The following ITPRIP variants were observed in gnomAD, a reference collection of about 807,000 sequenced individuals.
ITPRIP encodes the protein inositol 1,4,5-trisphosphate receptor interacting protein, also known as inositol 1,4,5-trisphosphate receptor-interacting protein.
A neutral mutation model predicts 35.8 loss-of-function variants in ITPRIP; 32 were observed. The observed-to-expected ratio is 0.89, with a 90% CI of 0.68 to 1.20. The LOEUF (loss-of-function observed/expected upper bound fraction) is 1.20, where lower values mean the gene tolerates loss of function less well. Ranked by LOEUF, ITPRIP falls within the 50% of genes most tolerant of loss-of-function variation. The pLI is 0.00. For missense variants in ITPRIP, 653 were observed against 735.6 expected, an observed-to-expected ratio of 0.89 and a Z score of 1.30; for synonymous variants, 358 against 324.0, an observed-to-expected ratio of 1.11 and a Z score of -1.13.
intron 1 of ITPRIP, among the ~76,000 whole-genome samples, chr10:104,329,861 C>T (rs761104286): frequency 3.9e-5 from 6 of 152,206 alleles, no homozygotes; most frequent in Non-Finnish European, 7.3e-5. Flanking sequence ...ACTGGTGCTG[C>T]GGTCATGTCT....
chr10:104,325,478 G>A (rs940152541), intron 1 of ITPRIP, among the ~76,000 whole-genome samples: 5 of 152,178 alleles, frequency 3.3e-5, no homozygotes, highest in Non-Finnish European at 4.4e-5. Context: ...AGCCACATTC[G>A]GAATAATCCT....
chr10:104,328,312 CACCCACAAGGGT>C lies in ITPRIP; in HGVS notation c.-14+9922_-14+9933del. ...TTCCCCTAGCCCTGTGGCCGCATCT[CACCCACAAGGGT>C]GCTGGTTTGGAGAGAGCATGAATAC... is the stretch of plus-strand genomic sequence containing the variant. On this transcript the variant is annotated intron_variant, in intron 1 of 1. Coordinates refer to ENST00000337478, the MANE Select transcript of ITPRIP (RefSeq NM_001272013.2). The surrounding 1 kb of genome is among the most constrained non-coding windows in gnomAD (Gnocchi z 4.1). The C allele has an allele frequency of 1.0e-6, 1 of 985,200 alleles. No homozygotes were observed. The highest frequency in any genetic ancestry group is 1.2e-6 in the Non-Finnish European group (1 of 829,722). The allele number at this position is 985,200 out of a possible 1,614,324, so 61.0% of individuals were successfully genotyped here. A position where few individuals can be genotyped will look rare whatever the true frequency, so the allele number is the denominator to read the frequency against.
rs2013514286 is a variant in ITPRIP at position 104,312,549 on chromosome 10, CA to C, written c.*1858del. 11 of 879,832 alleles carry C rather than the reference CA, an allele frequency of 1.3e-5. No individual in the cohort carries two copies. The highest frequency in any genetic ancestry group is 1.5e-5 in the Non-Finnish European group (11 of 733,274). 54.5% of individuals were successfully genotyped at this position (879,832 alleles called of 1,614,324 possible). On this transcript the variant is annotated 3_prime_UTR_variant, in exon 2 of 2. Transcript: ENST00000337478. Reference sequence around the variant, plus strand: ...GGTAGCTCCAGGCTGCTGTTAGGGACACACTTGAGCTGGTTCATTCCCTGGA... The same window carrying C: ...GGTAGCTCCAGGCTGCTGTTAGGGACCACTTGAGCTGGTTCATTCCCTGGA...
chr10:104,311,582 G>A lies in ITPRIP; in HGVS notation c.*2826C>T, dbSNP rs958777342. 1 of 152,244 alleles carries A rather than the reference G, an allele frequency of 6.6e-6. No individual in the cohort carries two copies. The highest frequency in any genetic ancestry group is 2.4e-5 in the African/African-American group (1 of 41,460). 9.4% of individuals were successfully genotyped at this position (152,244 alleles called of 1,614,324 possible). ...CAGCCAGGCATGCAGAGGGGCTAGA[G>A]CTTTTGAGGATATAAGGCCCTTCCC... is the stretch of plus-strand genomic sequence containing the variant. On this transcript the variant is annotated 3_prime_UTR_variant, in exon 2 of 2. Coordinates refer to ENST00000337478, the MANE Select transcript of ITPRIP (RefSeq NM_001272013.2).
In ITPRIP at chr10:104,315,205, T is replaced by A; in HGVS notation, c.847A>T (p.Met283Leu). 1 of 1,614,076 alleles carries A rather than the reference T, an allele frequency of 6.2e-7. No homozygotes were observed. Among genetic ancestry groups the A allele is most frequent in the African/African-American group, 1.3e-5 (1 of 75,054 alleles). Residue 283 changes from methionine to leucine, a missense_variant, in exon 2 of 2, where the codon ATG becomes TTG. Coordinates refer to ENST00000337478, the MANE Select transcript of ITPRIP (RefSeq NM_001272013.2). This position sits in a 1 kb window ranked among gnomAD's most constrained non-coding sequence, Gnocchi z 5.7. ...TCTGTGGCACACAGCAGGTTCTCCA[T>A]GTCGCCGCAGGGAGGCGCCATGCTG... ...RNSMAPPCGD[M>L]ENLLCATDSL... is the part of the protein sequence containing the mutation.
At chr10:104,320,820 C>T (rs1564863826) in intron 1 of ITPRIP, among the ~76,000 whole-genome samples, 1 of 152,182 alleles carries the variant, frequency 6.6e-6, no homozygotes, top group Non-Finnish European at 1.5e-5. Context: ...GTGTGAGCAC[C>T]TGGCCTGCCT....
intron 1 of ITPRIP, among the ~76,000 whole-genome samples, chr10:104,334,629 C>G (rs909509240): frequency 6.6e-6 from 1 of 152,120 alleles, no homozygotes; most frequent in Non-Finnish European, 1.5e-5. Context: ...GAAATACTGC[C>G]CTTGAGGCAC....
chr10:104,313,737 C>T lies in ITPRIP; in HGVS notation c.*671G>A, dbSNP rs1322372576. ...GGGTGCAGCTGAGTGAGAAGTGTAG[C>T]TGAAAAAGTGGCTAATTGTGTTTCT... On this transcript the variant is annotated 3_prime_UTR_variant, in exon 2 of 2. Coordinates refer to ENST00000337478, the MANE Select transcript of ITPRIP (RefSeq NM_001272013.2). The T allele has an allele frequency of 2.5e-5, 25 of 985,506 alleles. No individual in the cohort carries two copies. Among genetic ancestry groups the T allele is most frequent in the Non-Finnish European group, 2.8e-5 (23 of 830,006 alleles). The allele number at this position is 985,506 out of a possible 1,614,324, so 61.0% of individuals were successfully genotyped here. A position where few individuals can be genotyped will look rare whatever the true frequency, so the allele number is the denominator to read the frequency against.
intron 1 of ITPRIP, among the ~76,000 whole-genome samples, chr10:104,332,536 C>T (rs577113600): frequency 6.6e-6 from 1 of 152,180 alleles, no homozygotes; most frequent in Non-Finnish European, 1.5e-5. Flanking sequence ...GGAGTCCTCC[C>T]TTTCCTGCCT....
Position 104,328,378 on chromosome 10 carries a change from C to T in ITPRIP, c.-14+9868G>A, listed in dbSNP as rs2014076478. The T allele has an allele frequency of 1.4e-6, 1 of 727,648 alleles. No individual in the cohort carries two copies. The highest frequency in any genetic ancestry group is 1.7e-6 in the Non-Finnish European group (1 of 594,892). The allele number at this position is 727,648 out of a possible 1,614,324, so 45.1% of individuals were successfully genotyped here. ...CCTTGGGGCAGGACATGCCAGAGTT[C>T]CCAAGAGTCGTCCCCTTTCTCTCTC... On this transcript the variant is annotated intron_variant, in intron 1 of 1. Transcript: ENST00000337478. The surrounding 1 kb of genome is among the most constrained non-coding windows in gnomAD (Gnocchi z 4.1).
Position 104,314,982 on chromosome 10 carries a change from G to A in ITPRIP, c.1070C>T (p.Ser357Leu), listed in dbSNP as rs768457518. ...NLIPVIQCDD[S>L]DLYFVSHLPR... ...AAGGTGGGAGACAAAGTACAGGTCC[G>A]AGTCATCACACTGGATCACAGGAAT... The change falls in exon 2 of 2, where the codon TCG becomes TTG. Residue 357 changes from serine to leucine, a missense_variant. Coordinates refer to ENST00000337478, the MANE Select transcript of ITPRIP (RefSeq NM_001272013.2). 1.9e-5 allele frequency: 31 copies of A among 1,613,838 alleles called. No individual in the cohort carries two copies. The highest frequency in any genetic ancestry group is 1.6e-4 in the South Asian group (15 of 91,082).
chr10:104,316,140 A>G, intron 1 of ITPRIP, 76 bp from the exon 2 acceptor site: 1 of 1,278,180 alleles, frequency 7.8e-7, no homozygotes, highest in Non-Finnish European at 1.1e-6. Context: ...CACCAACCTC[A>G]GCCCCTCAGG....
At chr10:104,327,692 T>C (rs186415176) in intron 1 of ITPRIP, among the ~76,000 whole-genome samples, 2 of 152,304 alleles carry the variant, frequency 1.3e-5, no homozygotes, top group African/African-American at 4.8e-5. Flanking sequence ...GGTGGCTCTG[T>C]AGATGCACCG....
intron 1 of ITPRIP, among the ~76,000 whole-genome samples, chr10:104,337,358 G>T (rs2014258045): frequency 6.6e-6 from 1 of 152,178 alleles, no homozygotes; most frequent in Non-Finnish European, 1.5e-5. Flanking sequence ...TACTGTTTGT[G>T]AAATGAGACC....
At chr10:104,325,143 C>T (rs539954572) in intron 1 of ITPRIP, among the ~76,000 whole-genome samples, 12 of 152,294 alleles carry the variant, frequency 7.9e-5, no homozygotes, top group Admixed American at 7.2e-4. Flanking sequence ...TTGCTTGAGC[C>T]CGGGAGGCGG....
At chr10:104,321,639 T>C (rs1452906413) in intron 1 of ITPRIP, among the ~76,000 whole-genome samples, 1 of 151,818 alleles carries the variant, frequency 6.6e-6, no homozygotes, top group African/African-American at 2.4e-5. Flanking sequence ...CTCCCATTTC[T>C]CGAGCCCTCA....
At chr10:104,338,080 A>AG (rs757345598) in intron 1 of ITPRIP, among the ~76,000 whole-genome samples, 166 bp downstream of exon 1, 207 of 152,190 alleles carry the variant, frequency 1.4e-3, no homozygotes, top group Non-Finnish European at 2.5e-3. Context: ...CTTTAAGGGA[A>AG]GGGGGTCTCC....
rs901728005 is a variant in ITPRIP at position 104,311,333 on chromosome 10, TAAG to T, written c.*3072_*3074del. On this transcript the variant is annotated 3_prime_UTR_variant, in exon 2 of 2. Transcript: ENST00000337478. ...ACTTGGGTTTTCTTTAACTTTCCATTAAGAAAGAAAGTGAGAGGGCTTCCTCAG... is the reference window on the plus strand; with the variant it reads ...ACTTGGGTTTTCTTTAACTTTCCATTAAAGAAAGTGAGAGGGCTTCCTCAG... The T allele has an allele frequency of 6.6e-6, 1 of 152,066 alleles. No homozygotes were observed. The highest frequency in any genetic ancestry group is 6.5e-5 in the Admixed American group (1 of 15,284). 9.4% of individuals were successfully genotyped at this position (152,066 alleles called of 1,614,324 possible).
In ITPRIP at chr10:104,315,311, G is replaced by C. The variant is rs749365318; in HGVS notation, c.741C>G (p.Arg247=). The C allele has an allele frequency of 6.3e-7, 1 of 1,579,594 alleles. No individual in the cohort carries two copies. The highest frequency in any genetic ancestry group is 2.2e-5 in the East Asian group (1 of 44,550). ...RQGYGQIKVV[R]ADGDTLSCIC... ...TGCAGCTCAATGTGTCCCCATCGGC[G>C]CGGACCACCTTGATCTGGCCGTAGC... The change falls in exon 2 of 2, where the codon CGC becomes CGG. Residue 247 remains arginine, a synonymous_variant. Transcript: ENST00000337478. The surrounding 1 kb of genome is among the most constrained non-coding windows in gnomAD (Gnocchi z 5.7).
Sources: gnomAD v4.1 joint callset for allele counts (sites outside exome capture counted in the v4.1 genomes callset) on GRCh38, gnomAD v4.1.1 for gene constraint, Gnocchi (gnomAD v3.1) non-coding constraint, MANE v1.5 for transcripts, NCBI Gene and HGNC (gene_info 2026-07-23, HGNC 2026-07-21) for gene names.